Variants in MROH1 observed in about 807,000 individuals in gnomAD.
MROH1 encodes maestro heat-like repeat-containing protein family member 1.
In MROH1, 117 loss-of-function variants were observed where a neutral mutation model predicts 116.5. That is an observed-to-expected ratio of 1.00 (90% CI 0.86 to 1.17). The LOEUF is 1.17. Ranked by LOEUF, MROH1 falls within the 50% of genes most tolerant of loss-of-function variation. The pLI is 0.00. For missense variants in MROH1, 1,873 were observed against 1,338.5 expected (o/e 1.40, Z -6.23); for synonymous variants, 921 against 583.9 (o/e 1.58, Z -8.32).
At position 144,180,084 on chromosome 8, in the gene MROH1, G is replaced by GA; in HGVS notation, c.301-90dup. On this transcript the variant is annotated intron_variant, in intron 5 of 43. Transcript: ENST00000326134. This position sits in a 1 kb window ranked among gnomAD's most constrained non-coding sequence, Gnocchi z 7.4. ...CTGACCTGCACTTTCTGGGGACGCTGAAAACAGCGTGCGCTTGTCCAAGGC... is the reference window on the plus strand; with the variant it reads ...CTGACCTGCACTTTCTGGGGACGCTGAAAAACAGCGTGCGCTTGTCCAAGGC... 6.6e-7 allele frequency: 1 copy of GA among 1,504,010 alleles called. No homozygotes were observed. The highest frequency in any genetic ancestry group is 9.1e-7 in the Non-Finnish European group (1 of 1,097,308). The allele number at this position is 1,504,010 out of a possible 1,614,324, so 93.2% of individuals were successfully genotyped here.
chr8:144,191,096 G>A (rs1385467241), intron 8 of MROH1, among the ~76,000 whole-genome samples, 161 bp downstream of exon 8: 1 of 152,066 alleles, frequency 6.6e-6, no homozygotes, highest in Non-Finnish European at 1.5e-5. Context: ...TTGAGACAGA[G>A]TCTCACTCTG....
Position 144,240,971 on chromosome 8 carries a change from TGTTCTCTG to T in MROH1, c.1936-17_1936-10del. ...TGTACTCAGGAGTCAGGCAGAGCCG[TGTTCTCTG>T]GTTTTGTTTCAGAACTTCCTGTACA... On this transcript the variant is annotated splice_polypyrimidine_tract_variant and intron_variant, in intron 20 of 43. Transcript: ENST00000326134. The T allele has an allele frequency of 1.4e-6, 1 of 735,204 alleles. No individual in the cohort carries two copies. The highest frequency in any genetic ancestry group is 2.5e-6 in the Non-Finnish European group (1 of 395,778). 45.5% of individuals were successfully genotyped at this position (735,204 alleles called of 1,614,324 possible).
intron 7 of MROH1, among the ~76,000 whole-genome samples, chr8:144,189,328 C>T (rs561772141): frequency 6.6e-6 from 1 of 152,332 alleles, no homozygotes; most frequent in African/African-American, 2.4e-5. Flanking sequence ...CCTCCAGTTT[C>T]TGCGTCTCCG....
At chr8:144,221,683 CCCT>C in intron 13 of MROH1, among the ~76,000 whole-genome samples, 1 of 152,180 alleles carries the variant, frequency 6.6e-6, no homozygotes, top group South Asian at 2.1e-4. Context: ...CCCACCGTAC[CCCT>C]GACAGGGTCT....
intron 17 of MROH1, 97 bp from the exon 18 acceptor site, chr8:144,239,517 C>G: frequency 1.3e-6 from 1 of 759,504 alleles, no homozygotes; most frequent in East Asian, 2.5e-5. Flanking sequence ...TGGGAAGAGC[C>G]AGGCTCCCCG....
intron 43 of MROH1, 125 bp from the exon 44 acceptor site, chr8:144,261,530 G>GA: frequency 1.5e-6 from 1 of 688,444 alleles, no homozygotes; most frequent in Non-Finnish European, 2.6e-6. Flanking sequence ...ACTAAAAAAG[G>GA]AAAAACGATC....
chr8:144,222,524 CCAGGTA>C (rs1836995285), intron 13 of MROH1, among the ~76,000 whole-genome samples: 2 of 151,942 alleles, frequency 1.3e-5, no homozygotes, highest in Admixed American at 1.3e-4. Flanking sequence ...ACAGGTACAT[CCAGGTA>C]CAGGTGTGGG....
chr8:144,218,001 T>G (rs959906992), intron 12 of MROH1, among the ~76,000 whole-genome samples: 1 of 151,690 alleles, frequency 6.6e-6, no homozygotes, highest in Non-Finnish European at 1.5e-5. Flanking sequence ...GGTGGCTGCG[T>G]TAGTGGCCCA....
chr8:144,213,429 C>G, intron 12 of MROH1: 1 of 244,790 alleles, frequency 4.1e-6, no homozygotes. Flanking sequence ...AGAGAGTTGC[C>G]AGATTTAGCA....
At chr8:144,190,746 C>T in intron 7 of MROH1, 38 bp from the exon 8 acceptor site, 1 of 1,602,800 alleles carries the variant, frequency 6.2e-7, no homozygotes, top group African/African-American at 1.3e-5. Context: ...GTCACAAACC[C>T]ATGGCCTGCA....
At chr8:144,233,516 C>T (rs1331775558) in intron 14 of MROH1, among the ~76,000 whole-genome samples, 2 of 151,872 alleles carry the variant, frequency 1.3e-5, no homozygotes, top group Admixed American at 6.6e-5. Flanking sequence ...TTCTCTCTCC[C>T]GCAGCTCCTG....
chr8:144,222,500 G>GTGCAGGTGCAGGTACAGGTACA (rs1836985217), intron 13 of MROH1, among the ~76,000 whole-genome samples: 1 of 152,156 alleles, frequency 6.6e-6, no homozygotes, highest in Admixed American at 6.5e-5. Flanking sequence ...ACAGGCGCAG[G>GTGCAGGTGCAGGTACAGGTACA]TGCAGGTGCA....
chr8:144,222,546 A>G (rs1836997787), intron 13 of MROH1, among the ~76,000 whole-genome samples: 1 of 150,844 alleles, frequency 6.6e-6, no homozygotes, highest in African/African-American at 2.4e-5. Context: ...GTGGGTGCAG[A>G]CCCAGGTAGG....
rs1164415639 is a variant in MROH1 at position 144,157,677 on chromosome 8, C to CT, written c.-176-3273dup. Among the ~76,000 whole-genome samples the CT allele has an allele frequency of 9.7e-3, 1,145 of 117,888 alleles. 9 individuals are homozygous for CT. The highest frequency in any genetic ancestry group is 0.015 in the East Asian group (68 of 4,474). The allele number at this position is 117,888 out of a possible 152,430, so 77.3% of individuals were successfully genotyped here. ...CCTATTTCTTTTTCTTTCTTTCTTT[C>CT]TTTTTTTTTTTTTTTTTTTTGAGAA... is the stretch of plus-strand genomic sequence containing the variant. On this transcript the variant is annotated intron_variant, in intron 1 of 43. Transcript: ENST00000326134.
Position 144,182,494 on chromosome 8 carries a change from C to T in MROH1, c.562+1971C>T, listed in dbSNP as rs568706886. On this transcript the variant is annotated intron_variant, in intron 7 of 43. Coordinates refer to ENST00000326134, the MANE Select transcript of MROH1 (RefSeq NM_032450.3). This position sits in a 1 kb window ranked among gnomAD's most constrained non-coding sequence, Gnocchi z 4.1. ...TAATATCCTCAGGAAAATAAGTGGG[C>T]ATCATGCATTCACGGGACAAGAGGT... Among the ~76,000 whole-genome samples the T allele has an allele frequency of 1.3e-5, 2 of 152,258 alleles. No homozygotes were observed. The highest frequency in any genetic ancestry group is 6.5e-5 in the Admixed American group (1 of 15,300).
intron 12 of MROH1, among the ~76,000 whole-genome samples, chr8:144,205,088 C>T (rs1055103065): frequency 6.6e-6 from 1 of 152,118 alleles, no homozygotes; most frequent in Admixed American, 6.6e-5. Context: ...TGAGGTCCTG[C>T]TTTGTTGCCC....
intron 7 of MROH1, among the ~76,000 whole-genome samples, chr8:144,186,975 A>G (rs530763939): frequency 1.3e-5 from 2 of 152,150 alleles, no homozygotes; most frequent in East Asian, 1.9e-4. Flanking sequence ...GTGTGTGCCT[A>G]TAGTCCCAGC....
At chr8:144,240,227 C>A (rs2132883288) in intron 19 of MROH1, 74 bp downstream of exon 19, 6 of 679,668 alleles carry the variant, frequency 8.8e-6, no homozygotes, top group South Asian at 8.4e-5. Context: ...GTGGCAGAGG[C>A]TGGGCCACCT....
At chr8:144,257,643 G>C (rs1203516230) in intron 35 of MROH1, among the ~76,000 whole-genome samples, 3 of 152,190 alleles carry the variant, frequency 2.0e-5, no homozygotes, top group African/African-American at 7.2e-5. Flanking sequence ...CAGGCGAGTA[G>C]GGCCTGGCCC....
Sources: allele counts gnomAD v4.1 joint callset (sites outside exome capture counted in the v4.1 genomes callset), GRCh38; gene constraint gnomAD v4.1.1; non-coding constraint Gnocchi (gnomAD v3.1); transcripts MANE v1.5; gene names NCBI Gene and HGNC (gene_info 2026-07-23, HGNC 2026-07-21).